FMNL2: variants seen among roughly 807,000 people sequenced by gnomAD.
FMNL2 encodes the protein formin like 2.
Under a neutral mutation model 130.2 loss-of-function variants are expected in FMNL2, and 51 were observed. That is an observed-to-expected ratio of 0.39 (90% CI 0.31 to 0.49). The LOEUF is 0.49. FMNL2 is among the 20% of genes least tolerant of loss of function. FMNL2 has a pLI of 0.85. For missense variants in FMNL2, 977 were observed against 1,316.2 expected, an observed-to-expected ratio of 0.74 and a Z score of 3.99; for synonymous variants, 465 against 467.1, an observed-to-expected ratio of 1.00 and a Z score of 0.06.
At chr2:152,630,721 G>C (rs765716011) in intron 20 of FMNL2, among the ~76,000 whole-genome samples, 30 of 152,302 alleles carry the variant, frequency 2.0e-4, no homozygotes, top group Non-Finnish European at 4.0e-4. Context: ...TCACAGGCTA[G>C]GAAATAAGGG....
chr2:152,492,563 G>T (rs1463849615), intron 1 of FMNL2, among the ~76,000 whole-genome samples: 1 of 152,074 alleles, frequency 6.6e-6, no homozygotes, highest in Non-Finnish European at 1.5e-5. Flanking sequence ...CTAAGGCTTT[G>T]TAAGGGGGGT....
At chr2:152,645,668 C>T in intron 25 of FMNL2, 1 of 417,532 alleles carries the variant, frequency 2.4e-6, no homozygotes, top group Non-Finnish European at 4.3e-6. Context: ...GGGATTGAGC[C>T]TCTCTGTTGG....
intron 1 of FMNL2, among the ~76,000 whole-genome samples, chr2:152,371,032 A>T (rs1683845510): frequency 6.6e-6 from 1 of 152,182 alleles, no homozygotes; most frequent in African/African-American, 2.4e-5. Flanking sequence ...TTGCCTAATG[A>T]TATAAAGCCT....
chr2:152,353,434 G>A (rs1035110100), intron 1 of FMNL2, among the ~76,000 whole-genome samples: 6 of 152,172 alleles, frequency 3.9e-5, no homozygotes, highest in Non-Finnish European at 7.4e-5. Context: ...AAAGGCAGTC[G>A]ACTCTAAGCC....
chr2:152,365,634 G>T (rs552894986), intron 1 of FMNL2, among the ~76,000 whole-genome samples: 19 of 152,090 alleles, frequency 1.2e-4, no homozygotes, highest in African/African-American at 4.3e-4. Flanking sequence ...TTAGCTGGGT[G>T]TGGTGGTGGA....
At chr2:152,496,375 A>G (rs935476670) in intron 1 of FMNL2, among the ~76,000 whole-genome samples, 2 of 152,194 alleles carry the variant, frequency 1.3e-5, no homozygotes, top group African/African-American at 4.8e-5. Flanking sequence ...GTGCATTATC[A>G]TCACATGCCC....
intron 23 of FMNL2, among the ~76,000 whole-genome samples, chr2:152,638,269 G>C (rs912381588): frequency 2.6e-5 from 4 of 152,322 alleles, no homozygotes; most frequent in Middle Eastern, 3.4e-3. Context: ...ATGACGCAAA[G>C]AGACATGTAT....
chr2:152,453,020 G>A (rs1331379535), intron 1 of FMNL2, among the ~76,000 whole-genome samples: 1 of 152,110 alleles, frequency 6.6e-6, no homozygotes, highest in Non-Finnish European at 1.5e-5. Context: ...TGGCCAACAT[G>A]GTGAAACCCT....
At chr2:152,373,844 C>G (rs542230837) in intron 1 of FMNL2, among the ~76,000 whole-genome samples, 2 of 151,472 alleles carry the variant, frequency 1.3e-5, no homozygotes, top group African/African-American at 4.9e-5. Flanking sequence ...AAGAGTTCAA[C>G]TCGATTCATG....
At chr2:152,593,886 TGTGTGTGTGTGTGTGTGAGAGAGAGA>T (rs1174082633) in intron 9 of FMNL2, among the ~76,000 whole-genome samples, 4 of 109,894 alleles carry the variant, frequency 3.6e-5, no homozygotes, top group African/African-American at 1.3e-4. Context: ...TGTGTGTGTG[TGTGTGTGTGTGTGTGTGAGAGAGAGA>T]GAGAGAGAGA....
chr2:152,564,766 T>C (rs1579973486), intron 6 of FMNL2, among the ~76,000 whole-genome samples: 2 of 123,124 alleles, frequency 1.6e-5, no homozygotes, highest in Non-Finnish European at 3.4e-5. Flanking sequence ...CGTTCTAAAA[T>C]ACAAGGTTGG....
chr2:152,351,175 C>T (rs1023471073), intron 1 of FMNL2, among the ~76,000 whole-genome samples: 1 of 152,036 alleles, frequency 6.6e-6, no homozygotes, highest in African/African-American at 2.4e-5. Context: ...GTGAAACAAC[C>T]CTAGAAAGCA....
chr2:152,579,168 A>T (rs149507009), intron 8 of FMNL2, among the ~76,000 whole-genome samples: 1 of 152,184 alleles, frequency 6.6e-6, no homozygotes, highest in Admixed American at 6.5e-5. Flanking sequence ...ACTGGTGACA[A>T]TTCTAGCCCT....
Position 152,578,919 on chromosome 2 carries a change from A to G in FMNL2, c.737A>G (p.His246Arg). 1.9e-6 allele frequency: 3 copies of G among 1,613,492 alleles called. No individual in the cohort carries two copies. Among genetic ancestry groups the G allele is most frequent in the South Asian group, 1.1e-5 (1 of 90,948 alleles). ...TTCAACATGGTCATGTCTCATCCACACGCTGTCAATGAGATTGCACTAAGC... is the reference window on the plus strand; with the variant it reads ...TTCAACATGGTCATGTCTCATCCACGCGCTGTCAATGAGATTGCACTAAGC... ...YGFNMVMSHP[H>R]AVNEIALSLN... The change falls in exon 8 of 26, where the codon CAC becomes CGC. Residue 246 changes from histidine (H) to arginine (R), a missense_variant. By Grantham distance (29) the His-to-Arg change is conservative. Transcript: ENST00000288670.
At chr2:152,536,767 A>G (rs987299778) in intron 2 of FMNL2, among the ~76,000 whole-genome samples, 1 of 152,212 alleles carries the variant, frequency 6.6e-6, no homozygotes, top group African/African-American at 2.4e-5. Context: ...CTATTTTCAG[A>G]TGTCATGTTA....
intron 6 of FMNL2, among the ~76,000 whole-genome samples, chr2:152,574,476 G>T (rs569472131): frequency 1.3e-5 from 2 of 149,922 alleles, no homozygotes; most frequent in South Asian, 4.2e-4. Context: ...GATGTGTAAG[G>T]TTTGTCTACT....
At chr2:152,492,270 C>T (rs150851484) in intron 1 of FMNL2, among the ~76,000 whole-genome samples, 48 of 152,220 alleles carry the variant, frequency 3.2e-4, no homozygotes, top group African/African-American at 1.1e-3. Flanking sequence ...TCTCTATCTC[C>T]AAAAGCAACT....
chr2:152,647,491 G>A (rs1683689480), intron 25 of FMNL2, among the ~76,000 whole-genome samples: 1 of 152,070 alleles, frequency 6.6e-6, no homozygotes, highest in South Asian at 2.1e-4. Context: ...AGCTACAGCT[G>A]CTTCTAATTT....
intron 1 of FMNL2, among the ~76,000 whole-genome samples, chr2:152,402,678 A>G (rs1685769869): frequency 6.6e-6 from 1 of 152,206 alleles, no homozygotes; most frequent in South Asian, 2.1e-4. Context: ...CTTTTTAAAA[A>G]ATAAACTTTT....
Sources: allele counts gnomAD v4.1 joint callset (sites outside exome capture counted in the v4.1 genomes callset), GRCh38; gene constraint gnomAD v4.1.1; transcripts MANE v1.5; gene names NCBI Gene and HGNC (gene_info 2026-07-23, HGNC 2026-07-21).